RIPOR3: variants seen among roughly 807,000 people sequenced by gnomAD.
RIPOR3 encodes RIPOR family member 3, also known as family with sequence similarity 65 member C.
RIPOR3 carries 95 observed loss-of-function variants against 114.3 expected under a neutral mutation model. That is an observed-to-expected ratio of 0.83 (90% CI 0.70 to 0.99). The LOEUF is 0.99. Among genes scored for constraint, RIPOR3 ranks in the 50% least tolerant of loss-of-function variants. The pLI, the probability that RIPOR3 is intolerant of heterozygous loss-of-function variation, is 0.00. For missense variants in RIPOR3, 1,252 were observed against 1,266.9 expected (o/e 0.99, Z 0.18); for synonymous variants, 575 against 543.8 (o/e 1.06, Z -0.80).
intron 1 of RIPOR3, among the ~76,000 whole-genome samples, chr20:50,665,421 C>CTTTTT (rs11471486): frequency 0.12 from 13,335 of 107,638 alleles, 1,594 homozygotes; most frequent in East Asian, 0.19. Context: ...CCCCCTCTTC[C>CTTTTT]TTTTTTTTTT....
intron 20 of RIPOR3, among the ~76,000 whole-genome samples, chr20:50,588,303 C>T (rs1005156339): frequency 2.0e-5 from 3 of 151,536 alleles, no homozygotes; most frequent in Non-Finnish European, 2.9e-5. Flanking sequence ...GGCCAAGGAC[C>T]GGCATGCGCT....
At chr20:50,609,078 G>T in intron 8 of RIPOR3, 123 bp from the exon 9 acceptor site, 3 of 1,377,434 alleles carry the variant, frequency 2.2e-6, no homozygotes, top group Non-Finnish European at 3.0e-6. Flanking sequence ...GGATGGGGGG[G>T]AGGTACACCA....
chr20:50,619,511 T>C (rs1009063406), intron 3 of RIPOR3, among the ~76,000 whole-genome samples: 4 of 151,986 alleles, frequency 2.6e-5, no homozygotes, highest in African/African-American at 7.3e-5. Flanking sequence ...AGCTCATCAG[T>C]TGGTCTCTGA....
chr20:50,656,806 A>G (rs1457484881), intron 1 of RIPOR3, among the ~76,000 whole-genome samples: 3 of 152,202 alleles, frequency 2.0e-5, no homozygotes, highest in South Asian at 2.1e-4. Context: ...CCAACTCACA[A>G]GCATTTCTAA....
chr20:50,601,105 G>A (rs929553856), intron 13 of RIPOR3, among the ~76,000 whole-genome samples: 5 of 152,196 alleles, frequency 3.3e-5, no homozygotes, highest in Admixed American at 6.5e-5. Context: ...GGAAGGGATG[G>A]GCCTGCCGGG....
intron 20 of RIPOR3, among the ~76,000 whole-genome samples, chr20:50,588,421 C>A (rs988032982): frequency 1.3e-5 from 2 of 152,248 alleles, no homozygotes; most frequent in Admixed American, 1.3e-4. Context: ...GGAGTTCAAT[C>A]TGTACTGAAT....
chr20:50,681,402 G>C lies in RIPOR3; in HGVS notation c.3+9724C>G, dbSNP rs149409693. Among the ~76,000 whole-genome samples the C allele has an allele frequency of 2.1e-3, 321 of 152,214 alleles. 5 individuals carry two copies. Among genetic ancestry groups the C allele is most frequent in the African/African-American group, 7.1e-3 (293 of 41,508 alleles). On this transcript the variant is annotated intron_variant, in intron 1 of 21. Transcript: ENST00000327979. ...TGAGGTGGTAGGGGATCCAGGGTTT[G>C]AACCCAAGTCTGTAGGACTGAGGAG...
At position 50,611,185 on chromosome 20, in the gene RIPOR3, T is replaced by C. The variant is rs774161472; in HGVS notation, c.368A>G (p.Asp123Gly). The C allele has an allele frequency of 6.2e-7, 1 of 1,614,172 alleles. No homozygotes were observed. The highest frequency in any genetic ancestry group is 8.5e-7 in the Non-Finnish European group (1 of 1,180,038). The change falls in exon 5 of 22, where the codon GAC (aspartate) becomes GGC (glycine). Residue 123 changes from aspartate to glycine, a missense_variant. Transcript: ENST00000327979. ...NSRLAFYYDL[D>G]KQTRCVERHI... ...ACTCACCGTATGCAGACTCACCTTG[T>C]CCAGGTCATAATAGAAAGCCTGTGA...
intron 1 of RIPOR3, among the ~76,000 whole-genome samples, chr20:50,635,634 C>T (rs2084958217): frequency 6.6e-6 from 1 of 151,894 alleles, no homozygotes; most frequent in Non-Finnish European, 1.5e-5. Context: ...GCCTGGCTAA[C>T]ACAGTGAGAC....
intron 1 of RIPOR3, among the ~76,000 whole-genome samples, chr20:50,657,285 AGGAG>A (rs2123437186): frequency 6.6e-6 from 1 of 152,312 alleles, no homozygotes. Context: ...CTAGCACTTT[AGGAG>A]ACCTAGGCAG....
At chr20:50,587,395 G>A (rs1368928383) in intron 21 of RIPOR3, 63 bp from the exon 22 acceptor site, 3 of 1,396,398 alleles carry the variant, frequency 2.1e-6, no homozygotes, top group Non-Finnish European at 3.0e-6. Context: ...AACTCTCCTG[G>A]GCCAGGGTGG....
At position 50,595,382 on chromosome 20, in the gene RIPOR3, T is replaced by C. The variant is rs1403828208; in HGVS notation, c.2037A>G (p.Thr679=). 6.2e-7 allele frequency: 1 copy of C among 1,614,038 alleles called. No individual in the cohort carries two copies. The highest frequency in any genetic ancestry group is 8.5e-7 in the Non-Finnish European group (1 of 1,179,938). ...VLDFEKVGKA[T]SIEEIIPQAS... is the part of the protein sequence containing the mutation. The stretch of plus-strand genomic sequence containing the variant: ...GCAGCTACTTACTCTCTTCAATGGA[T>C]GTTGCCTTGCCGACCTTCTCAAAGT... The change falls in exon 16 of 22, where the codon ACA becomes ACG. Residue 679 remains threonine (T), a synonymous_variant. Coordinates refer to ENST00000327979, the MANE Select transcript of RIPOR3 (RefSeq NM_001290268.2).
At chr20:50,633,821 C>A (rs1302235311) in intron 1 of RIPOR3, among the ~76,000 whole-genome samples, 1 of 152,164 alleles carries the variant, frequency 6.6e-6, no homozygotes, top group African/African-American at 2.4e-5. Flanking sequence ...AGGCTCGGAG[C>A]AGACCTGCAG....
intron 2 of RIPOR3, among the ~76,000 whole-genome samples, chr20:50,624,522 G>A (rs1053957408): frequency 6.6e-6 from 1 of 152,220 alleles, no homozygotes; most frequent in Non-Finnish European, 1.5e-5. Context: ...CTCCTTGTGT[G>A]AGGTTTAACA....
At chr20:50,679,217 A>G (rs2086780358) in intron 1 of RIPOR3, among the ~76,000 whole-genome samples, 1 of 145,880 alleles carries the variant, frequency 6.9e-6, no homozygotes, top group African/African-American at 2.5e-5. Flanking sequence ...ACCTCAAAAA[A>G]TATATATATA....
intron 1 of RIPOR3, among the ~76,000 whole-genome samples, chr20:50,676,413 A>T (rs1217574520): frequency 6.6e-6 from 1 of 152,140 alleles, no homozygotes; most frequent in Non-Finnish European, 1.5e-5. Flanking sequence ...GAATTTTGGG[A>T]TGCTAAGGCA....
At chr20:50,617,628 CTTTT>C (rs71190578) in intron 3 of RIPOR3, among the ~76,000 whole-genome samples, 119 of 110,434 alleles carry the variant, frequency 1.1e-3, no homozygotes, top group Non-Finnish European at 1.6e-3. Context: ...GGTGGTTTCC[CTTTT>C]TTTTTTTTTT....
At position 50,589,778 on chromosome 20, in the gene RIPOR3, A is replaced by C; in HGVS notation, c.2578-9T>G. The C allele has an allele frequency of 6.2e-7, 1 of 1,611,640 alleles. No homozygotes were observed. On this transcript the variant is annotated splice_polypyrimidine_tract_variant and intron_variant, in intron 19 of 21. Coordinates refer to ENST00000327979, the MANE Select transcript of RIPOR3 (RefSeq NM_001290268.2). Reference sequence around the variant, plus strand: ...GTGTAGAACAGCAAAGCCTGGGGAGAGTAAGGAGGCTGTGAATGGAGGGGT... The same window carrying C: ...GTGTAGAACAGCAAAGCCTGGGGAGCGTAAGGAGGCTGTGAATGGAGGGGT...
intron 1 of RIPOR3, among the ~76,000 whole-genome samples, chr20:50,661,003 C>T (rs1383591759): frequency 2.0e-5 from 3 of 151,656 alleles, no homozygotes; most frequent in South Asian, 2.1e-4. Flanking sequence ...TTTGGGAGGC[C>T]GAGGTGAGTG....
Sources: gnomAD v4.1 joint callset for allele counts (sites outside exome capture counted in the v4.1 genomes callset) on GRCh38, gnomAD v4.1.1 for gene constraint, MANE v1.5 for transcripts, NCBI Gene and HGNC (gene_info 2026-07-23, HGNC 2026-07-21) for gene names.